Variants in MEMO1 observed in about 807,000 individuals in gnomAD.
The protein encoded by MEMO1 is protein MEMO1.
In MEMO1, 6 loss-of-function variants were observed where a neutral mutation model predicts 45.2. The ratio of observed to expected loss-of-function variants is 0.13; its 90% CI spans 0.07 to 0.26. MEMO1 has a LOEUF of 0.26. Among genes scored for constraint, MEMO1 ranks in the 10% least tolerant of loss-of-function variants. The pLI is 1.00. For missense variants in MEMO1, 184 were observed against 370.5 expected, an observed-to-expected ratio of 0.50 and a Z score of 4.13; for synonymous variants, 78 against 124.3, an observed-to-expected ratio of 0.63 and a Z score of 2.48.
intron 2 of MEMO1, among the ~76,000 whole-genome samples, chr2:31,977,558 G>T (rs1216980711): frequency 6.6e-6 from 1 of 151,956 alleles, no homozygotes; most frequent in South Asian, 2.1e-4. Flanking sequence ...CTGTCACCCA[G>T]GCTGGAGTAC....
chr2:31,943,595 C>T (rs1665867004), intron 2 of MEMO1, among the ~76,000 whole-genome samples: 1 of 152,150 alleles, frequency 6.6e-6, no homozygotes, highest in Admixed American at 6.5e-5. Context: ...ACAAAATTTG[C>T]TTTTATCGAT....
chr2:31,988,076 G>T (rs1171869697), intron 2 of MEMO1, among the ~76,000 whole-genome samples: 1 of 152,122 alleles, frequency 6.6e-6, no homozygotes, highest in Non-Finnish European at 1.5e-5. Flanking sequence ...GATTAAGTTG[G>T]TAAGAGTTCT....
chr2:31,925,103 T>C (rs1682882380), intron 4 of MEMO1, among the ~76,000 whole-genome samples: 1 of 152,178 alleles, frequency 6.6e-6, no homozygotes, highest in African/African-American at 2.4e-5. Flanking sequence ...TGCAGTTCCT[T>C]GATAACACCA....
At chr2:31,932,277 A>T (rs988316651) in intron 3 of MEMO1, 142 bp from the exon 4 acceptor site, 2 of 624,854 alleles carry the variant, frequency 3.2e-6, no homozygotes, top group African/African-American at 3.7e-5. Context: ...GTAGTTAATG[A>T]TGTGACTTCT....
chr2:31,877,849 A>T (rs1445834757), intron 8 of MEMO1, among the ~76,000 whole-genome samples: 1 of 152,180 alleles, frequency 6.6e-6, no homozygotes, highest in Non-Finnish European at 1.5e-5. Context: ...TACAGTTAGG[A>T]AAGTCATGGT....
At chr2:31,882,545 T>C (rs992389341) in intron 8 of MEMO1, among the ~76,000 whole-genome samples, 3 of 152,120 alleles carry the variant, frequency 2.0e-5, no homozygotes, top group Non-Finnish European at 4.4e-5. Flanking sequence ...CCAAAATAAA[T>C]ATGCCTCTGT....
intron 2 of MEMO1, among the ~76,000 whole-genome samples, chr2:31,993,006 A>G (rs1385638463): frequency 6.6e-6 from 1 of 152,140 alleles, no homozygotes; most frequent in African/African-American, 2.4e-5. Context: ...CTAATGTCAC[A>G]GGAAAAAAAG....
chr2:31,919,305 C>T (rs979072372), intron 5 of MEMO1, among the ~76,000 whole-genome samples: 60 of 152,010 alleles, frequency 3.9e-4, no homozygotes, highest in African/African-American at 1.4e-3. Flanking sequence ...CTACGTGCTA[C>T]CATGCCCAGC....
chr2:31,909,850 T>C (rs1680302886), intron 6 of MEMO1, among the ~76,000 whole-genome samples: 1 of 152,006 alleles, frequency 6.6e-6, no homozygotes, highest in East Asian at 1.9e-4. Flanking sequence ...TTTCCAAAAT[T>C]AATGACAGAC....
intron 4 of MEMO1, among the ~76,000 whole-genome samples, chr2:31,926,313 G>A (rs547113513): frequency 1.5e-3 from 225 of 151,158 alleles, no homozygotes; most frequent in African/African-American, 5.0e-3. Context: ...TCAACGCTGC[G>A]TGAGCTATGA....
At chr2:31,966,062 T>C (rs1668579314) in intron 2 of MEMO1, among the ~76,000 whole-genome samples, 1 of 152,164 alleles carries the variant, frequency 6.6e-6, no homozygotes, top group South Asian at 2.1e-4. Flanking sequence ...TAAACATATG[T>C]TTGCTAAAAG....
intron 4 of MEMO1, among the ~76,000 whole-genome samples, chr2:31,927,674 T>C (rs1403688908): frequency 6.6e-6 from 1 of 152,088 alleles, no homozygotes; most frequent in Non-Finnish European, 1.5e-5. Context: ...ATGCCACTTT[T>C]CCCACTATCT....
chr2:31,999,904 G>C (rs546137409), intron 2 of MEMO1, among the ~76,000 whole-genome samples: 1 of 113,746 alleles, frequency 8.8e-6, no homozygotes, highest in Non-Finnish European at 1.8e-5. Context: ...TTTTTTTTTG[G>C]ACAAATCCTC....
At chr2:31,959,613 C>A (rs1166340182) in intron 2 of MEMO1, among the ~76,000 whole-genome samples, 2 of 151,350 alleles carry the variant, frequency 1.3e-5, no homozygotes, top group Non-Finnish European at 2.9e-5. Flanking sequence ...TAGTTACAGA[C>A]AAGATGAGGT....
chr2:31,975,073 G>A (rs1420284031), intron 2 of MEMO1, among the ~76,000 whole-genome samples: 1 of 151,932 alleles, frequency 6.6e-6, no homozygotes, highest in Non-Finnish European at 1.5e-5. Flanking sequence ...TCGGGAGGCT[G>A]AGGCAGGAGA....
At chr2:31,999,406 T>C (rs568669741) in intron 2 of MEMO1, among the ~76,000 whole-genome samples, 2 of 152,290 alleles carry the variant, frequency 1.3e-5, no homozygotes, top group African/African-American at 2.4e-5. Context: ...CTCATACCTG[T>C]AATCCCAGCA....
chr2:31,979,697 G>A (rs938006987), intron 2 of MEMO1, among the ~76,000 whole-genome samples: 13 of 152,152 alleles, frequency 8.5e-5, no homozygotes, highest in African/African-American at 3.1e-4. Flanking sequence ...CTGTGAGTCT[G>A]AATTTTAAAA....
intron 7 of MEMO1, among the ~76,000 whole-genome samples, chr2:31,884,478 T>C (rs916449976): frequency 6.6e-6 from 1 of 152,202 alleles, no homozygotes; most frequent in Admixed American, 6.5e-5. Context: ...TATATCCAGT[T>C]ACCACCCTCA....
At chr2:31,924,766 G>A (rs2148201101) in intron 4 of MEMO1, among the ~76,000 whole-genome samples, 1 of 152,198 alleles carries the variant, frequency 6.6e-6, no homozygotes, top group Middle Eastern at 3.4e-3. Flanking sequence ...TGTCCTGCAA[G>A]GCTTGCTGAA....
Sources: gnomAD v4.1 joint callset for allele counts (sites outside exome capture counted in the v4.1 genomes callset) on GRCh38, gnomAD v4.1.1 for gene constraint, MANE v1.5 for transcripts, NCBI Gene and HGNC (gene_info 2026-07-23, HGNC 2026-07-21) for gene names.